EPB41: variants seen among roughly 807,000 people sequenced by gnomAD.
EPB41 encodes the protein erythrocyte membrane protein band 4.1, also known as protein 4.1.
EPB41 carries 65 observed loss-of-function variants against 108.0 expected under a neutral mutation model. The ratio of observed to expected loss-of-function variants is 0.60; its 90% CI spans 0.49 to 0.74. The LOEUF (loss-of-function observed/expected upper bound fraction) is 0.74, where lower values mean the gene tolerates loss of function less well. EPB41 is among the 30% of genes least tolerant of loss of function. The pLI is 0.00. For synonymous variants in EPB41, 336 were observed against 358.9 expected, an observed-to-expected ratio of 0.94 and a Z score of 0.72; for missense variants, 875 against 1,037.0, an observed-to-expected ratio of 0.84 and a Z score of 2.15.
At chr1:29,114,891 A>G (rs1354374709) in intron 19 of EPB41, among the ~76,000 whole-genome samples, 2 of 152,134 alleles carry the variant, frequency 1.3e-5, no homozygotes, top group Non-Finnish European at 2.9e-5. Flanking sequence ...CATGGCATAT[A>G]ACAGTCCCTT....
chr1:29,048,630 A>G (rs1366175316), intron 11 of EPB41, among the ~76,000 whole-genome samples: 1 of 152,266 alleles, frequency 6.6e-6, no homozygotes, highest in East Asian at 1.9e-4. Flanking sequence ...GCCTAAGGTT[A>G]CATAGCTAGT....
At chr1:28,889,710 G>T in intron 1 of EPB41, 1 of 614,458 alleles carries the variant, frequency 1.6e-6, no homozygotes, top group Non-Finnish European at 2.0e-6. Flanking sequence ...CAGAGGCTGG[G>T]GTGGTGGGAG....
chr1:28,912,474 ATAT>A (rs2148013035), upstream of EPB41, among the ~76,000 whole-genome samples: 1 of 152,220 alleles, frequency 6.6e-6, no homozygotes, highest in East Asian at 1.9e-4. Context: ...CTTAACAAAT[ATAT>A]TATTATATTT....
intron 16 of EPB41, among the ~76,000 whole-genome samples, chr1:29,079,802 C>G (rs1278691894): frequency 1.3e-5 from 2 of 151,926 alleles, no homozygotes; most frequent in Non-Finnish European, 2.9e-5. Flanking sequence ...CAAGACCAGC[C>G]TGTTCAACAT....
chr1:29,068,636 T>C, intron 16 of EPB41: 1 of 699,334 alleles, frequency 1.4e-6, no homozygotes, highest in Non-Finnish European at 2.0e-6. Flanking sequence ...ACAATTGGGA[T>C]ACTATTTCCA....
chr1:29,028,253 A>G (rs1303242981), intron 7 of EPB41, among the ~76,000 whole-genome samples: 1 of 152,192 alleles, frequency 6.6e-6, no homozygotes, highest in Non-Finnish European at 1.5e-5. Flanking sequence ...AGGAGTGAGT[A>G]TAGGGAAGAT....
intron 12 of EPB41, among the ~76,000 whole-genome samples, chr1:29,056,282 A>AC (rs1190451463): frequency 6.6e-6 from 1 of 152,056 alleles, no homozygotes. Flanking sequence ...ACAAAACAAA[A>AC]AAAAAACTAT....
At chr1:28,945,659 GA>G (rs1334222363) in intron 1 of EPB41, among the ~76,000 whole-genome samples, 2 of 152,128 alleles carry the variant, frequency 1.3e-5, no homozygotes, top group African/African-American at 4.8e-5. Context: ...TTTAAATTAG[GA>G]AATGGGCCAA....
rs1426457862 is a variant in EPB41 at position 29,119,512 on chromosome 1, C to T, written c.*2700C>T. On this transcript the variant is annotated 3_prime_UTR_variant, in exon 21 of 21. Coordinates refer to ENST00000343067, the MANE Select transcript of EPB41 (RefSeq NM_001376013.1). ...AGGACTCTGGCACCCACCCACAAAG[C>T]AAGACCTGTATTTATAAGCCGAGGG... 1 of 152,274 alleles carries T rather than the reference C, an allele frequency of 6.6e-6. No individual in the cohort carries two copies. The highest frequency in any genetic ancestry group is 1.9e-4 in the East Asian group (1 of 5,200). The allele number at this position is 152,274 out of a possible 1,614,324, so 9.4% of individuals were successfully genotyped here. A position where few individuals can be genotyped will look rare whatever the true frequency, so the allele number is the denominator to read the frequency against.
chr1:29,053,333 CCTAGCT>C (rs781053225), intron 12 of EPB41, 21 bp downstream of exon 12: 16 of 1,613,802 alleles, frequency 9.9e-6, no homozygotes, highest in Non-Finnish European at 1.3e-5. Flanking sequence ...AGTCCAAATA[CCTAGCT>C]AACTCACTTT....
chr1:29,085,894 A>G (rs1658688862), intron 16 of EPB41, among the ~76,000 whole-genome samples: 1 of 152,222 alleles, frequency 6.6e-6, no homozygotes, highest in Admixed American at 6.5e-5. Flanking sequence ...ACCAAGGTTT[A>G]ATATTATATT....
chr1:29,095,641 G>A (rs1662944885), intron 16 of EPB41, among the ~76,000 whole-genome samples: 1 of 152,036 alleles, frequency 6.6e-6, no homozygotes, highest in Admixed American at 6.6e-5. Context: ...TTTTGGTGGA[G>A]CATACCTGTA....
intron 11 of EPB41, among the ~76,000 whole-genome samples, chr1:29,045,562 C>A (rs1239805856): frequency 7.0e-6 from 1 of 142,000 alleles, no homozygotes; most frequent in Non-Finnish European, 1.5e-5. Flanking sequence ...GCCATGTTGC[C>A]CAGGCTGGTC....
rs762880453 is a variant in EPB41, at chr1:28,997,203, A to G, written c.682-12A>G. On this transcript the variant is annotated splice_polypyrimidine_tract_variant and intron_variant, in intron 3 of 20. Coordinates refer to ENST00000343067, the MANE Select transcript of EPB41 (RefSeq NM_001376013.1). ...AAACCTCAACTCAACTAAGTCACGT[A>G]TATCTTTGCAGAAACATGCTAAGGG... 5.0e-5 allele frequency: 79 copies of G among 1,590,438 alleles called. No individual in the cohort carries two copies. The highest frequency in any genetic ancestry group is 6.1e-5 in the Non-Finnish European group (71 of 1,158,502).
intron 1 of EPB41, among the ~76,000 whole-genome samples, chr1:28,898,827 G>C (rs2090987513): frequency 1.3e-5 from 2 of 152,234 alleles, no homozygotes; most frequent in African/African-American, 4.8e-5. Flanking sequence ...GCCCTGGCTG[G>C]AGGCCAAAGC....
rs146398533 is a variant in EPB41, at chr1:28,957,647, C to T, written c.-7-29784C>T. 3.7e-3 allele frequency among the ~76,000 whole-genome samples: 570 copies of T among 152,288 alleles called. 6 individuals carry two copies. The highest frequency in any genetic ancestry group is 0.013 in the African/African-American group (531 of 41,562). On this transcript the variant is annotated intron_variant, in intron 1 of 20. Coordinates refer to ENST00000343067, the MANE Select transcript of EPB41 (RefSeq NM_001376013.1). ...CCCAAACTCCTGACCTCAGGCGATC[C>T]ACCCGCCTTGGCCTCCCAAAGTGCC...
At position 29,011,921 on chromosome 1, in the gene EPB41, G is replaced by T. The variant is rs375625058; in HGVS notation, c.829+14G>T. The stretch of plus-strand genomic sequence containing the variant: ...AGCAGGTTCGTGGTAAGTGGATATA[G>T]CTCTTTTTATAGTTCTTTCTTTCTT... On this transcript the variant is annotated intron_variant, in intron 5 of 20. Coordinates refer to ENST00000343067, the MANE Select transcript of EPB41 (RefSeq NM_001376013.1). The T allele has an allele frequency of 1.9e-6, 3 of 1,613,924 alleles. No homozygotes were observed. Among genetic ancestry groups the T allele is most frequent in the Non-Finnish European group, 2.5e-6 (3 of 1,179,858 alleles).
rs961239364 is a variant in EPB41 at position 29,115,253 on chromosome 1, C to T, written c.2497-446C>T. ...ACAAAAAATACAAAAATTAGCTGGGCGTAGTGGTACACACCCGTAATCCCA... is the reference window on the plus strand; with the variant it reads ...ACAAAAAATACAAAAATTAGCTGGGTGTAGTGGTACACACCCGTAATCCCA... On this transcript the variant is annotated intron_variant, in intron 19 of 20. Coordinates refer to ENST00000343067, the MANE Select transcript of EPB41 (RefSeq NM_001376013.1). This position sits in a 1 kb window ranked among gnomAD's most constrained non-coding sequence, Gnocchi z 4.4. 2.6e-5 allele frequency among the ~76,000 whole-genome samples: 4 copies of T among 151,960 alleles called. No homozygotes were observed. Among genetic ancestry groups the T allele is most frequent in the African/African-American group, 4.8e-5 (2 of 41,332 alleles).
intron 1 of EPB41, chr1:28,890,952 C>A (rs1204990956): frequency 1.0e-6 from 1 of 985,370 alleles, no homozygotes; most frequent in Admixed American, 6.1e-5. Context: ...GCTCTGGGAT[C>A]TTGAGGCTGG....
Sources: allele counts gnomAD v4.1 joint callset (sites outside exome capture counted in the v4.1 genomes callset), GRCh38; gene constraint gnomAD v4.1.1; non-coding constraint Gnocchi (gnomAD v3.1); transcripts MANE v1.5; gene names NCBI Gene and HGNC (gene_info 2026-07-23, HGNC 2026-07-21).